Variants in ZFHX3 observed in about 807,000 individuals in gnomAD.
ZFHX3 encodes zinc finger homeobox 3, also known as zinc finger homeobox protein 3.
Under a neutral mutation model 279.1 loss-of-function variants are expected in ZFHX3, and 42 were observed. The observed-to-expected ratio is 0.15, with a 90% CI of 0.12 to 0.19. The LOEUF (loss-of-function observed/expected upper bound fraction) is 0.19, where lower values mean the gene tolerates loss of function less well. ZFHX3 is among the 10% of genes least tolerant of loss of function. The pLI is 1.00. For synonymous variants in ZFHX3, 2,293 were observed against 1,957.8 expected (o/e 1.17, Z -4.52); for missense variants, 4,981 against 4,754.0 (o/e 1.05, Z -1.40).
chr16:73,616,419 A>G (rs1033817009), intron 2 of ZFHX3, among the ~76,000 whole-genome samples: 2 of 128,972 alleles, frequency 1.6e-5, no homozygotes, highest in African/African-American at 6.2e-5. Context: ...GTAATTGGCA[A>G]CTATGGAGGA....
chr16:73,050,982 G>C (rs781720443), upstream of ZFHX3, among the ~76,000 whole-genome samples: 1 of 152,048 alleles, frequency 6.6e-6, no homozygotes, highest in Non-Finnish European at 1.5e-5. Flanking sequence ...TGATTCTACC[G>C]AGCCAAACCT....
intron 1 of ZFHX3, among the ~76,000 whole-genome samples, chr16:72,965,216 T>C (rs1961777084): frequency 6.6e-6 from 1 of 152,180 alleles, no homozygotes; most frequent in Non-Finnish European, 1.5e-5. Context: ...AAGAGAACAC[T>C]AGAACATCCC....
intron 4 of ZFHX3, among the ~76,000 whole-genome samples, chr16:73,270,574 A>T (rs2144979419): frequency 6.6e-6 from 1 of 152,312 alleles, no homozygotes; most frequent in Non-Finnish European, 1.5e-5. Context: ...TTCCCAGTGG[A>T]CATGACTAGG....
chr16:73,111,161 G>A (rs561633779), intron 7 of ZFHX3, among the ~76,000 whole-genome samples: 1 of 152,218 alleles, frequency 6.6e-6, no homozygotes, highest in East Asian at 1.9e-4. Context: ...GGCTGGTCTC[G>A]ATCTCCTGGC....
intron 2 of ZFHX3, among the ~76,000 whole-genome samples, chr16:73,460,964 C>A (rs761585496): frequency 6.6e-6 from 1 of 152,232 alleles, no homozygotes; most frequent in Non-Finnish European, 1.5e-5. Flanking sequence ...GGCTGCAGAA[C>A]TGTGAGCCAA....
intron 7 of ZFHX3, among the ~76,000 whole-genome samples, chr16:73,096,901 C>G (rs1966171172): frequency 6.6e-6 from 1 of 151,918 alleles, no homozygotes; most frequent in Non-Finnish European, 1.5e-5. Flanking sequence ...CACCTTTGCC[C>G]AAAACACAGG....
chr16:73,181,762 T>C (rs1307316126), intron 5 of ZFHX3, among the ~76,000 whole-genome samples: 1 of 152,138 alleles, frequency 6.6e-6, no homozygotes, highest in East Asian at 1.9e-4. Flanking sequence ...GTTGGGGATA[T>C]AGTTCCCGTT....
intron 1 of ZFHX3, among the ~76,000 whole-genome samples, chr16:73,705,491 C>A (rs1364987546): frequency 6.6e-6 from 1 of 152,222 alleles, no homozygotes; most frequent in Non-Finnish European, 1.5e-5. Context: ...TAAGCCCCAA[C>A]AGAATTTGCT....
At chr16:72,825,139 C>A (rs930656067) in intron 5 of ZFHX3, among the ~76,000 whole-genome samples, 1 of 152,224 alleles carries the variant, frequency 6.6e-6, no homozygotes, top group Admixed American at 6.5e-5. Context: ...AGGCCAAGTG[C>A]CTCAATCAAG....
intron 3 of ZFHX3, among the ~76,000 whole-genome samples, chr16:72,915,786 T>G (rs1374567617): frequency 1.3e-5 from 2 of 152,060 alleles, no homozygotes; most frequent in Admixed American, 6.5e-5. Context: ...AGGCTGAATT[T>G]CATTGTGATT....
intron 4 of ZFHX3, among the ~76,000 whole-genome samples, chr16:72,874,263 G>A (rs1356284837): frequency 7.3e-6 from 1 of 136,648 alleles, no homozygotes; most frequent in African/African-American, 2.8e-5. Flanking sequence ...CTGGAGTGCA[G>A]TGGCACAATC....
intron 4 of ZFHX3, among the ~76,000 whole-genome samples, chr16:73,284,941 A>C (rs556307962): frequency 6.6e-6 from 1 of 152,192 alleles, no homozygotes; most frequent in African/African-American, 2.4e-5. Flanking sequence ...CCTGTGCTCA[A>C]TGGATCCTCC....
chr16:73,384,787 T>A (rs2016870539), intron 3 of ZFHX3, among the ~76,000 whole-genome samples: 1 of 152,190 alleles, frequency 6.6e-6, no homozygotes, highest in African/African-American at 2.4e-5. Flanking sequence ...ACTTCCAGCA[T>A]CCATTCATTC....
chr16:73,788,017 A>G (rs919817459), intron 1 of ZFHX3, among the ~76,000 whole-genome samples: 5 of 152,134 alleles, frequency 3.3e-5, no homozygotes, highest in Non-Finnish European at 7.4e-5. Flanking sequence ...GCTGAGTTTA[A>G]GGAAACCCAG....
At chr16:73,093,417 T>C in exon 8 of ZFHX3, 1 of 469,816 alleles carries the variant, frequency 2.1e-6, no homozygotes, top group Non-Finnish European at 4.3e-6. Flanking sequence ...CTGATCACTT[T>C]GGTCCGTTTG....
At chr16:73,485,424 GAAA>G (rs796678890) in intron 2 of ZFHX3, among the ~76,000 whole-genome samples, 4 of 45,254 alleles carry the variant, frequency 8.8e-5, no homozygotes, top group Admixed American at 4.7e-4. Flanking sequence ...GGGTGAGGGA[GAAA>G]AAAAAAAAAA....
chr16:73,253,873 T>C (rs751007388), intron 5 of ZFHX3, among the ~76,000 whole-genome samples: 5 of 152,018 alleles, frequency 3.3e-5, no homozygotes, highest in Non-Finnish European at 5.9e-5. Flanking sequence ...GAGAAGGAGT[T>C]AAGGTCCTTA....
chr16:73,415,456 GA>G (rs2017552422), intron 3 of ZFHX3, among the ~76,000 whole-genome samples: 1 of 152,182 alleles, frequency 6.6e-6, no homozygotes, highest in Non-Finnish European at 1.5e-5. Flanking sequence ...ACAGATGGTG[GA>G]AACACACACT....
At position 73,422,376 on chromosome 16, in the gene ZFHX3, A is replaced by C. The variant is rs1390318587; in HGVS notation, c.-1291+33627T>G. Among the ~76,000 whole-genome samples the C allele has an allele frequency of 2.6e-5, 4 of 152,136 alleles. No individual in the cohort carries two copies. In the East Asian group the frequency reaches 5.8e-4, roughly 22 times the overall value. ...GAAACTAATCTTCCTCCCACCACTC[A>C]TGCTAAACTTATTCTTTTTTAGTAA... On this transcript the variant is annotated intron_variant, in intron 3 of 17. Transcript: ENST00000641206.
Sources: allele counts gnomAD v4.1 joint callset (sites outside exome capture counted in the v4.1 genomes callset), GRCh38; gene constraint gnomAD v4.1.1; transcripts MANE v1.5; gene names NCBI Gene and HGNC (gene_info 2026-07-23, HGNC 2026-07-21).